VWA8: variants seen among roughly 807,000 people sequenced by gnomAD.
VWA8 encodes the protein von Willebrand factor A domain-containing protein 8.
In VWA8, 221 loss-of-function variants were observed where a neutral mutation model predicts 241.5. That is an observed-to-expected ratio of 0.91 (90% CI 0.82 to 1.02). The LOEUF is 1.02. VWA8 is among the 50% of genes least tolerant of loss of function. The pLI is 0.00. For synonymous variants in VWA8, 852 were observed against 827.1 expected, an observed-to-expected ratio of 1.03 and a Z score of -0.52; for missense variants, 2,322 against 2,328.7, an observed-to-expected ratio of 1.00 and a Z score of 0.06.
chr13:41,841,820 AATATATATATATATATATATATATAT>A (rs1242263993), intron 12 of VWA8, among the ~76,000 whole-genome samples: 2 of 22,218 alleles, frequency 9.0e-5, no homozygotes, highest in African/African-American at 3.4e-4. Flanking sequence ...AAAAAAAAAA[AATATATATATATATATATATATATAT>A]ATATATATAT....
chr13:41,922,452 A>T lies in VWA8; in HGVS notation c.242-10284T>A, dbSNP rs193007363. On this transcript the variant is annotated intron_variant, in intron 2 of 44. Coordinates refer to ENST00000379310, the MANE Select transcript of VWA8 (RefSeq NM_015058.2). ...GACAAATGGGATCTAATTAAACTAA[A>T]TACCTTCTGCACAGCAAAAGAAACT... Among the ~76,000 whole-genome samples, 196 of 152,362 alleles carry T rather than the reference A, an allele frequency of 1.3e-3. 2 individuals are homozygous for T. Among genetic ancestry groups the T allele is most frequent in the Admixed American group, 0.012 (184 of 15,306 alleles).
intron 37 of VWA8, among the ~76,000 whole-genome samples, chr13:41,639,736 G>A (rs1198409835): frequency 6.6e-6 from 1 of 152,188 alleles, no homozygotes. Context: ...TGGACACAAA[G>A]AAGGGAACGA....
intron 9 of VWA8, among the ~76,000 whole-genome samples, chr13:41,875,332 T>G (rs1873846733): frequency 6.6e-6 from 1 of 152,064 alleles, no homozygotes; most frequent in South Asian, 2.1e-4. Context: ...CTTTTCCACC[T>G]CAGCTAGGGC....
chr13:41,917,629 A>G (rs1010695546), intron 2 of VWA8, among the ~76,000 whole-genome samples: 1 of 152,198 alleles, frequency 6.6e-6, no homozygotes, highest in Non-Finnish European at 1.5e-5. Flanking sequence ...GCAAACTCCT[A>G]TCTCTGCTGT....
rs1209017813 is a variant in VWA8, at chr13:41,701,450, G to A, written c.3306C>T (p.Ala1102=). 6.2e-7 allele frequency: 1 copy of A among 1,611,938 alleles called. No homozygotes were observed. Among genetic ancestry groups the A allele is most frequent in the Admixed American group, 1.7e-5 (1 of 59,758 alleles). ...ERSLNFTEEC[A]SWRIPLDEIN... is the part of the protein sequence containing the mutation. ...TTTCATCCAATGGTATTCTCCATGA[G>A]GCACATTCTTCAGTAAAGTTTAGGG... is the stretch of plus-strand genomic sequence containing the variant. Residue 1102 remains alanine, a synonymous_variant, in exon 28 of 45, where the codon GCC becomes GCT. Coordinates refer to ENST00000379310, the MANE Select transcript of VWA8 (RefSeq NM_015058.2).
intron 21 of VWA8, among the ~76,000 whole-genome samples, chr13:41,738,358 C>T (rs2045541950): frequency 6.6e-6 from 1 of 152,082 alleles, no homozygotes; most frequent in South Asian, 2.1e-4. Context: ...AAACACTTTG[C>T]TCTTCAGAGG....
At chr13:41,652,044 G>C (rs1401956502) in intron 37 of VWA8, among the ~76,000 whole-genome samples, 1 of 152,086 alleles carries the variant, frequency 6.6e-6, no homozygotes, top group African/African-American at 2.4e-5. Context: ...CTTGAAAATG[G>C]GAGGATAAGG....
At chr13:41,586,563 G>A (rs1474341426) in intron 42 of VWA8, among the ~76,000 whole-genome samples, 1 of 152,156 alleles carries the variant, frequency 6.6e-6, no homozygotes. Context: ...GAAATTCAGG[G>A]GGGGCAGTAT....
At chr13:41,638,155 C>T (rs1173353380) in intron 37 of VWA8, among the ~76,000 whole-genome samples, 1 of 152,200 alleles carries the variant, frequency 6.6e-6, no homozygotes, top group South Asian at 2.1e-4. Flanking sequence ...GAGTTGCATG[C>T]AGACATAACC....
intron 37 of VWA8, among the ~76,000 whole-genome samples, chr13:41,629,018 C>T (rs2044710693): frequency 6.6e-6 from 1 of 151,876 alleles, no homozygotes; most frequent in Non-Finnish European, 1.5e-5. Flanking sequence ...TCCAGTCTGG[C>T]GACAGAGCGA....
intron 37 of VWA8, among the ~76,000 whole-genome samples, chr13:41,652,074 TC>T (rs2044872781): frequency 6.6e-6 from 1 of 152,200 alleles, no homozygotes; most frequent in African/African-American, 2.4e-5. Flanking sequence ...GGCCAGATTC[TC>T]ACATGGCAAC....
intron 38 of VWA8, among the ~76,000 whole-genome samples, chr13:41,612,246 A>C: frequency 6.6e-6 from 1 of 152,234 alleles, no homozygotes; most frequent in East Asian, 1.9e-4. Flanking sequence ...GCAAATTATA[A>C]AAATAATGCA....
At position 41,727,251 on chromosome 13, in the gene VWA8, C is replaced by T. The variant is rs756686047; in HGVS notation, c.2701G>A (p.Val901Ile). 1 of 1,554,460 alleles carries T rather than the reference C, an allele frequency of 6.4e-7. No homozygotes were observed. The highest frequency in any genetic ancestry group is 8.7e-7 in the Non-Finnish European group (1 of 1,148,566). ...VVIHPDFRMI[V>I]LANRPGFPFL... ...GGAAATCCAGGTCTATTTGCCAGAA[C>T]AATCATCCTAAAATCAGGATGAATC... Residue 901 changes from valine to isoleucine, a missense_variant, in exon 24 of 45, where the codon GTT becomes ATT. Coordinates refer to ENST00000379310, the MANE Select transcript of VWA8 (RefSeq NM_015058.2).
intron 2 of VWA8, among the ~76,000 whole-genome samples, chr13:41,941,345 T>TAA (rs2138152450): frequency 6.6e-6 from 1 of 152,296 alleles, no homozygotes; most frequent in African/African-American, 2.4e-5. Context: ...CCTTAGAAGC[T>TAA]AAAAGAAGGA....
chr13:41,647,756 G>A (rs1218346301), intron 37 of VWA8, among the ~76,000 whole-genome samples: 4 of 152,166 alleles, frequency 2.6e-5, no homozygotes, highest in African/African-American at 4.8e-5. Context: ...TTGGGAGGCC[G>A]AGGTGGGTGG....
chr13:41,845,356 C>T (rs931709216), intron 12 of VWA8, among the ~76,000 whole-genome samples: 1 of 152,090 alleles, frequency 6.6e-6, no homozygotes, highest in Non-Finnish European at 1.5e-5. Context: ...AAAGGGAACA[C>T]TTACACACTG....
chr13:41,590,539 T>A, intron 41 of VWA8, 101 bp downstream of exon 41: 6 of 1,160,414 alleles, frequency 5.2e-6, no homozygotes, highest in Non-Finnish European at 7.1e-6. Context: ...TTGGTTACCA[T>A]ATTCAGGATT....
At chr13:41,680,378 T>C (rs2045090379) in intron 35 of VWA8, among the ~76,000 whole-genome samples, 3 of 152,186 alleles carry the variant, frequency 2.0e-5, no homozygotes, top group Admixed American at 2.0e-4. Flanking sequence ...CCTGGGATCT[T>C]CCTTCACCAT....
chr13:41,670,339 A>G (rs2045013450), intron 37 of VWA8, among the ~76,000 whole-genome samples: 1 of 151,490 alleles, frequency 6.6e-6, no homozygotes, highest in Admixed American at 6.6e-5. Flanking sequence ...GATTGATTAG[A>G]TGATGACTGA....
Sources: allele counts gnomAD v4.1 joint callset (sites outside exome capture counted in the v4.1 genomes callset), GRCh38; gene constraint gnomAD v4.1.1; transcripts MANE v1.5; gene names NCBI Gene and HGNC (gene_info 2026-07-23, HGNC 2026-07-21).